Variants in SAXO1 observed in about 807,000 individuals in gnomAD.
SAXO1 encodes 4930500O09Rik.
SAXO1 carries 21 observed loss-of-function variants against 17.5 expected under a neutral mutation model. That is an observed-to-expected ratio of 1.20 (90% CI 0.85 to 1.72). The LOEUF (loss-of-function observed/expected upper bound fraction) is 1.72. SAXO1 is among the 40% of genes most tolerant of loss of function. The pLI, the probability that SAXO1 is intolerant of heterozygous loss-of-function variation, is 0.00. For synonymous variants in SAXO1, 274 were observed against 216.5 expected, an observed-to-expected ratio of 1.27 and a Z score of -2.33; for missense variants, 843 against 596.0, an observed-to-expected ratio of 1.41 and a Z score of -4.32.
At chr9:19,020,723 C>G (rs781619567) in intron 1 of SAXO1, among the ~76,000 whole-genome samples, 1 of 152,130 alleles carries the variant, frequency 6.6e-6, no homozygotes, top group Non-Finnish European at 1.5e-5. Context: ...ACTTTGTGTT[C>G]TCAGCACACT....
At chr9:18,993,210 G>A (rs149421624) in intron 1 of SAXO1, among the ~76,000 whole-genome samples, 67 of 151,888 alleles carry the variant, frequency 4.4e-4, no homozygotes, top group African/African-American at 1.5e-3. Context: ...CTATCAACAC[G>A]TCATCTAGGT....
intron 1 of SAXO1, among the ~76,000 whole-genome samples, chr9:19,032,205 G>C (rs1835801901): frequency 6.6e-6 from 1 of 152,050 alleles, no homozygotes; most frequent in African/African-American, 2.4e-5. Flanking sequence ...AGCTGCCCTG[G>C]GAAGCAGATA....
intron 1 of SAXO1, chr9:19,027,382 C>T (rs1234470094): frequency 2.6e-6 from 2 of 768,448 alleles, no homozygotes; most frequent in Non-Finnish European, 4.8e-6. Context: ...GGATGAGAGA[C>T]CCACGGAGCA....
intron 1 of SAXO1, chr9:19,027,305 CAA>C (rs1335390933): frequency 2.4e-6 from 2 of 830,842 alleles, no homozygotes; most frequent in Non-Finnish European, 4.3e-6. Context: ...TGGGTGTGAA[CAA>C]AGACTCCTAT....
At chr9:18,955,277 A>G (rs1205999893) in intron 1 of SAXO1, among the ~76,000 whole-genome samples, 1 of 52,300 alleles carries the variant, frequency 1.9e-5, no homozygotes, top group Non-Finnish European at 4.2e-5. Context: ...GTGACCCAAT[A>G]TACCTAAATT....
At position 18,927,857 on chromosome 9, in the gene SAXO1, T is replaced by A; in HGVS notation, c.*195A>T. The A allele has an allele frequency of 1.8e-6, 1 of 556,230 alleles. No individual in the cohort carries two copies. Among genetic ancestry groups the A allele is most frequent in the Non-Finnish European group, 3.0e-6 (1 of 331,386 alleles). 34.5% of individuals were successfully genotyped at this position (556,230 alleles called of 1,614,324 possible). A position where few individuals can be genotyped will look rare whatever the true frequency, so the allele number is the denominator to read the frequency against. On this transcript the variant is annotated 3_prime_UTR_variant, in exon 4 of 4. Transcript: ENST00000380534. ...GCAGTAAAGGAGAAGGTAAGGGGAG[T>A]TAATTAGCCGGTGATTAAATGTCAT...
intron 1 of SAXO1, among the ~76,000 whole-genome samples, chr9:18,994,803 AC>A (rs1369920961): frequency 6.6e-6 from 1 of 151,838 alleles, no homozygotes; most frequent in Non-Finnish European, 1.5e-5. Context: ...TTCCACACTA[AC>A]CCCCAGGATG....
chr9:18,960,006 C>G (rs1832419227), intron 1 of SAXO1, among the ~76,000 whole-genome samples: 1 of 152,140 alleles, frequency 6.6e-6, no homozygotes, highest in African/African-American at 2.4e-5. Context: ...AGGCATCAGG[C>G]TGAGTGGGCA....
chr9:18,956,008 T>G (rs745744820), intron 1 of SAXO1, among the ~76,000 whole-genome samples: 1 of 151,696 alleles, frequency 6.6e-6, no homozygotes, highest in Non-Finnish European at 1.5e-5. Flanking sequence ...GGCACAATCA[T>G]AGCTCACTGC....
intron 1 of SAXO1, among the ~76,000 whole-genome samples, chr9:19,042,310 G>A (rs1836096747): frequency 6.6e-6 from 1 of 152,192 alleles, no homozygotes; most frequent in South Asian, 2.1e-4. Flanking sequence ...TGGCAAGGAT[G>A]TGGGGAAAAG....
At chr9:18,992,234 G>T (rs1275463005) in intron 1 of SAXO1, among the ~76,000 whole-genome samples, 1 of 152,200 alleles carries the variant, frequency 6.6e-6, no homozygotes, top group Admixed American at 6.5e-5. Context: ...AGTTCTAGGG[G>T]CTAGAAGTCA....
rs868611137 is a variant in SAXO1 at position 18,927,780 on chromosome 9, C to A, written c.*272G>T. 3.0e-4 allele frequency: 110 copies of A among 361,838 alleles called. 1 individual carries two copies. The highest frequency in any genetic ancestry group is 2.9e-3 in the Middle Eastern group (4 of 1,374). The allele number at this position is 361,838 out of a possible 1,614,324, so 22.4% of individuals were successfully genotyped here. The stretch of plus-strand genomic sequence containing the variant: ...TCTGGATCAGAGAAACCCTCACAGA[C>A]CAACTTTGATTCCATAAGCACAAAG... On this transcript the variant is annotated 3_prime_UTR_variant, in exon 4 of 4. Coordinates refer to ENST00000380534, the MANE Select transcript of SAXO1 (RefSeq NM_153707.4).
intron 1 of SAXO1, among the ~76,000 whole-genome samples, chr9:18,954,459 C>T (rs1832167633): frequency 6.6e-6 from 1 of 152,024 alleles, no homozygotes; most frequent in Non-Finnish European, 1.5e-5. Flanking sequence ...ACCTCAGCCT[C>T]CCAAGTAGCT....
At chr9:18,967,310 G>C (rs1390080799) in intron 1 of SAXO1, among the ~76,000 whole-genome samples, 1 of 152,224 alleles carries the variant, frequency 6.6e-6, no homozygotes, top group Non-Finnish European at 1.5e-5. Flanking sequence ...AGAGTTGGCA[G>C]GCAGGAACAT....
intron 3 of SAXO1, among the ~76,000 whole-genome samples, chr9:18,933,854 G>C (rs1476112970): frequency 1.3e-5 from 2 of 152,098 alleles, no homozygotes; most frequent in East Asian, 1.9e-4. Flanking sequence ...AGACCATCCT[G>C]GCCAACATGG....
At chr9:18,930,516 T>G (rs1554666614) in intron 3 of SAXO1, among the ~76,000 whole-genome samples, 1 of 151,700 alleles carries the variant, frequency 6.6e-6, no homozygotes, top group Non-Finnish European at 1.5e-5. Context: ...TTTTTTTATT[T>G]GAGATGGAGT....
chr9:19,021,118 G>C (rs140162044), intron 1 of SAXO1, among the ~76,000 whole-genome samples: 1 of 152,222 alleles, frequency 6.6e-6, no homozygotes, highest in South Asian at 2.1e-4. Flanking sequence ...ATGCTCAGCT[G>C]ATTAGACCAC....
At chr9:18,959,752 C>A (rs1395803383) in intron 1 of SAXO1, among the ~76,000 whole-genome samples, 1 of 148,442 alleles carries the variant, frequency 6.7e-6, no homozygotes, top group Non-Finnish European at 1.5e-5. Context: ...GCCTGGGCAA[C>A]AAGAGTGAAA....
intron 1 of SAXO1, among the ~76,000 whole-genome samples, chr9:19,017,046 T>C (rs4130084): frequency 0.54 from 81,645 of 151,908 alleles, 22,769 homozygotes; most frequent in Non-Finnish European, 0.62. Context: ...TGGTGGCTCA[T>C]GCCTGTACTC....
Sources: allele counts gnomAD v4.1 joint callset (sites outside exome capture counted in the v4.1 genomes callset), GRCh38; gene constraint gnomAD v4.1.1; transcripts MANE v1.5; gene names NCBI Gene and HGNC (gene_info 2026-07-23, HGNC 2026-07-21).